The following DGKB variants were observed in gnomAD, a reference collection of about 807,000 sequenced individuals.
DGKB encodes diacylglycerol kinase beta.
A neutral mutation model predicts 114.3 loss-of-function variants in DGKB; 67 were observed. The ratio of observed to expected loss-of-function variants is 0.59; its 90% CI spans 0.48 to 0.72. The LOEUF (loss-of-function observed/expected upper bound fraction) is 0.72. Ranked by LOEUF, DGKB falls within the 30% of genes least tolerant of loss-of-function variation. DGKB has a pLI of 0.00. For synonymous variants in DGKB, 398 were observed against 323.1 expected (o/e 1.23, Z -2.49); for missense variants, 907 against 975.2 (o/e 0.93, Z 0.93).
intron 20 of DGKB, among the ~76,000 whole-genome samples, chr7:14,500,830 G>A (rs1040132030): frequency 3.3e-5 from 5 of 151,626 alleles, no homozygotes; most frequent in East Asian, 1.9e-4. Context: ...GTTGTATAGC[G>A]GTGAAATATT....
At chr7:14,726,864 A>T (rs1830104610) in intron 5 of DGKB, among the ~76,000 whole-genome samples, 1 of 152,100 alleles carries the variant, frequency 6.6e-6, no homozygotes, top group Admixed American at 6.5e-5. Context: ...GTAAAACCAG[A>T]CCCCAGGTAC....
intron 6 of DGKB, among the ~76,000 whole-genome samples, chr7:14,706,114 G>A (rs1826177198): frequency 7.0e-6 from 1 of 143,348 alleles, no homozygotes; most frequent in Non-Finnish European, 1.5e-5. Flanking sequence ...TAAAAGGATG[G>A]AGGAAGATCT....
intron 21 of DGKB, among the ~76,000 whole-genome samples, chr7:14,453,819 T>C (rs545244467): frequency 6.6e-6 from 1 of 152,238 alleles, no homozygotes; most frequent in South Asian, 2.1e-4. Flanking sequence ...ACCTTGGTTG[T>C]GTTCCACAAA....
intron 1 of DGKB, among the ~76,000 whole-genome samples, chr7:14,943,091 G>A (rs558077950): frequency 6.6e-6 from 1 of 151,756 alleles, no homozygotes; most frequent in Non-Finnish European, 1.5e-5. Flanking sequence ...ATAATGGTGT[G>A]CTTTATTTTC....
chr7:14,417,862 A>G (rs1825953132), intron 21 of DGKB, among the ~76,000 whole-genome samples: 1 of 151,798 alleles, frequency 6.6e-6, no homozygotes, highest in Admixed American at 6.6e-5. Context: ...ACCTTGCAGT[A>G]AAAAAGGAGA....
At chr7:14,545,722 G>A (rs1379664237) in intron 20 of DGKB, among the ~76,000 whole-genome samples, 3 of 152,156 alleles carry the variant, frequency 2.0e-5, no homozygotes, top group Non-Finnish European at 4.4e-5. Context: ...TTCCCTTTCT[G>A]GGAACGTTTA....
chr7:14,236,795 C>A (rs1160397971), intron 23 of DGKB, among the ~76,000 whole-genome samples: 1 of 151,926 alleles, frequency 6.6e-6, no homozygotes, highest in African/African-American at 2.4e-5. Flanking sequence ...CAGCACACAT[C>A]TCACAAGAAT....
At chr7:14,676,095 A>G (rs1819804646) in intron 12 of DGKB, among the ~76,000 whole-genome samples, 1 of 152,148 alleles carries the variant, frequency 6.6e-6, no homozygotes, top group Non-Finnish European at 1.5e-5. Context: ...TTTGCTGTGA[A>G]CTTAAAATTG....
chr7:14,374,201 T>C (rs1818131195), intron 21 of DGKB, among the ~76,000 whole-genome samples: 1 of 152,168 alleles, frequency 6.6e-6, no homozygotes, highest in Non-Finnish European at 1.5e-5. Context: ...TCATACTTGA[T>C]GACCTACAAA....
intron 23 of DGKB, among the ~76,000 whole-genome samples, chr7:14,323,120 C>T (rs1808113074): frequency 6.6e-6 from 1 of 152,032 alleles, no homozygotes; most frequent in African/African-American, 2.4e-5. Context: ...TAGCTTCCCA[C>T]TGGAAAAAGC....
chr7:14,333,684 G>T (rs933383525), intron 23 of DGKB, among the ~76,000 whole-genome samples: 1 of 152,062 alleles, frequency 6.6e-6, no homozygotes, highest in Non-Finnish European at 1.5e-5. Context: ...CCAAAAACTG[G>T]AATAGACTTG....
chr7:14,868,281 C>T (rs1462341314), intron 1 of DGKB, among the ~76,000 whole-genome samples: 2 of 151,942 alleles, frequency 1.3e-5, no homozygotes, highest in African/African-American at 2.4e-5. Flanking sequence ...CCTATGCTTG[C>T]CTCTTGCCAC....
At chr7:14,525,973 T>C (rs1790575155) in intron 20 of DGKB, among the ~76,000 whole-genome samples, 1 of 152,106 alleles carries the variant, frequency 6.6e-6, no homozygotes, top group African/African-American at 2.4e-5. Context: ...TGCTGAAAAA[T>C]ATGTGCACAT....
At chr7:14,752,688 T>C (rs1448513610) in intron 4 of DGKB, among the ~76,000 whole-genome samples, 1 of 152,156 alleles carries the variant, frequency 6.6e-6, no homozygotes, top group African/African-American at 2.4e-5. Context: ...AGGAAGAAAC[T>C]CACTCTGCTG....
At chr7:14,967,136 T>G (rs970970324) in intron 1 of DGKB, among the ~76,000 whole-genome samples, 1 of 152,132 alleles carries the variant, frequency 6.6e-6, no homozygotes, top group Non-Finnish European at 1.5e-5. Context: ...GACTGAAACT[T>G]TAGCTGGTTA....
At chr7:14,385,356 T>A (rs1820150187) in intron 21 of DGKB, among the ~76,000 whole-genome samples, 1 of 152,154 alleles carries the variant, frequency 6.6e-6, no homozygotes, top group African/African-American at 2.4e-5. Flanking sequence ...ACCTAGGAAC[T>A]GTAGAAATGT....
At chr7:14,737,185 G>C (rs1831848583) in intron 4 of DGKB, among the ~76,000 whole-genome samples, 1 of 151,970 alleles carries the variant, frequency 6.6e-6, no homozygotes. Context: ...CATTTGAAAG[G>C]ACTAGAAGAC....
intron 13 of DGKB, among the ~76,000 whole-genome samples, chr7:14,639,628 T>C (rs1340624924): frequency 1.3e-5 from 2 of 152,202 alleles, no homozygotes; most frequent in Non-Finnish European, 2.9e-5. Context: ...AACAATCCTA[T>C]GATTGGATTT....
chr7:14,480,432 G>C (rs993808216), intron 20 of DGKB, among the ~76,000 whole-genome samples: 1 of 152,022 alleles, frequency 6.6e-6, no homozygotes, highest in African/African-American at 2.4e-5. Flanking sequence ...TGTTCATTTG[G>C]ATGAGAATTC....
Sources: allele counts gnomAD v4.1 joint callset (sites outside exome capture counted in the v4.1 genomes callset), GRCh38; gene constraint gnomAD v4.1.1; transcripts MANE v1.5; gene names NCBI Gene and HGNC (gene_info 2026-07-23, HGNC 2026-07-21).